Variants in GSE1 observed in about 807,000 individuals in gnomAD.
The protein encoded by GSE1 is genetic suppressor element 1.
Under a neutral mutation model 112.6 loss-of-function variants are expected in GSE1, and 32 were observed. The ratio of observed to expected loss-of-function variants is 0.28; its 90% confidence interval spans 0.21 to 0.38. GSE1 has a LOEUF of 0.38. GSE1 is among the 10% of genes least tolerant of loss of function. The pLI, the probability that GSE1 is intolerant of heterozygous loss-of-function variation, is 1.00. For synonymous variants in GSE1, 1,115 were observed against 735.6 expected (o/e 1.52, Z -8.35); for missense variants, 2,348 against 1,699.2 (o/e 1.38, Z -6.71).
intron 2 of GSE1, among the ~76,000 whole-genome samples, chr16:85,478,915 C>CTT (rs1287650370): frequency 2.3e-4 from 12 of 51,290 alleles, no homozygotes; most frequent in African/African-American, 3.3e-4. Context: ...TTCTTTCTTT[C>CTT]TTTCTTTCTT....
intron 2 of GSE1, among the ~76,000 whole-genome samples, chr16:85,506,499 G>C (rs1022818937): frequency 6.6e-6 from 1 of 152,128 alleles, no homozygotes; most frequent in African/African-American, 2.4e-5. Flanking sequence ...AGCGAAGAAG[G>C]AGCCAGAAGA....
chr16:85,535,536 G>T (rs2044295529), intron 2 of GSE1, among the ~76,000 whole-genome samples: 1 of 152,224 alleles, frequency 6.6e-6, no homozygotes. Context: ...CCTTATCTGG[G>T]CCCGGGAGAG....
chr16:85,485,626 A>G (rs2050809690), intron 2 of GSE1, among the ~76,000 whole-genome samples: 1 of 152,232 alleles, frequency 6.6e-6, no homozygotes. Context: ...TTAGCACTCG[A>G]GAGCCTTCCT....
intron 1 of GSE1, among the ~76,000 whole-genome samples, chr16:85,338,468 C>T (rs1234061681): frequency 6.6e-6 from 1 of 152,204 alleles, no homozygotes; most frequent in African/African-American, 2.4e-5. Flanking sequence ...CAGTCTCCCC[C>T]TCCATCAAAT....
intron 2 of GSE1, among the ~76,000 whole-genome samples, chr16:85,380,560 C>T (rs575488919): frequency 5.8e-5 from 8 of 138,704 alleles, no homozygotes; most frequent in African/African-American, 1.7e-4. Context: ...CACTGCCCGC[C>T]GGGGGAGGCC....
chr16:85,573,356 C>G (rs2046090320), intron 1 of GSE1, among the ~76,000 whole-genome samples: 1 of 152,150 alleles, frequency 6.6e-6, no homozygotes, highest in African/African-American at 2.4e-5. Context: ...TTCTGTTTCT[C>G]CATGCATCTG....
At chr16:85,342,847 C>G (rs1044230269) in intron 1 of GSE1, among the ~76,000 whole-genome samples, 2 of 151,368 alleles carry the variant, frequency 1.3e-5, no homozygotes, top group Non-Finnish European at 3.0e-5. Context: ...CTGGTTCCCC[C>G]TTTTCAGCGG....
intron 2 of GSE1, among the ~76,000 whole-genome samples, chr16:85,365,574 G>C (rs1446137838): frequency 6.6e-6 from 1 of 152,208 alleles, no homozygotes; most frequent in South Asian, 2.1e-4. Flanking sequence ...GAGCGTCCTT[G>C]GGGACCACAT....
intron 1 of GSE1, among the ~76,000 whole-genome samples, chr16:85,287,609 C>G (rs1389509962): frequency 6.6e-6 from 1 of 152,072 alleles, no homozygotes; most frequent in Non-Finnish European, 1.5e-5. Flanking sequence ...ACGGCTCCTC[C>G]CTCGCTTCCT....
chr16:85,625,734 C>G (rs1386596390), intron 1 of GSE1, among the ~76,000 whole-genome samples: 1 of 152,138 alleles, frequency 6.6e-6, no homozygotes, highest in Non-Finnish European at 1.5e-5. Flanking sequence ...TCGTGGGGCT[C>G]GGGCAGAATA....
At chr16:85,553,879 AGGGACCCCGGGGCTGCCGCTG>A (rs1435114238), upstream of GSE1, among the ~76,000 whole-genome samples, 1 of 152,208 alleles carries the variant, frequency 6.6e-6, no homozygotes, top group Non-Finnish European at 1.5e-5. Context: ...TGCATTTAGC[AGGGACCCCGGGGCTGCCGCTG>A]GGGACCCCTG....
rs569542150 is a variant in GSE1, at chr16:85,576,772, T to C, written c.37+20409T>C. On this transcript the variant is annotated intron_variant, in intron 1 of 2. Coordinates refer to the GSE1 transcript ENST00000635906. ...TTGCAAATCTGGGTTCCAGGCTTGC[T>C]TGGGGACTGATGCCCTGGTGTGTCC... 1.6e-4 allele frequency among the ~76,000 whole-genome samples: 25 copies of C among 152,304 alleles called. No individual in the cohort carries two copies. In the South Asian group the frequency reaches 1.7e-3, roughly 10 times the overall value.
At chr16:85,427,248 G>A (rs867334231) in intron 2 of GSE1, among the ~76,000 whole-genome samples, 4 of 152,172 alleles carry the variant, frequency 2.6e-5, no homozygotes, top group Non-Finnish European at 5.9e-5. Context: ...CACTGTCTAC[G>A]GATTATACAA....
At chr16:85,200,649 G>A (rs1391482656) in intron 1 of GSE1, among the ~76,000 whole-genome samples, 1 of 152,152 alleles carries the variant, frequency 6.6e-6, no homozygotes, top group African/African-American at 2.4e-5. Context: ...AGAGGACATT[G>A]CCCTCTTTCG....
At chr16:85,656,235 C>CGG in intron 6 of GSE1, 108 bp from the exon 7 acceptor site, 1 of 1,376,306 alleles carries the variant, frequency 7.3e-7, no homozygotes, top group Non-Finnish European at 9.9e-7. Flanking sequence ...CGTCACTGTT[C>CGG]AGATTAGCGC....
chr16:85,249,265 G>T (rs1906192503), intron 1 of GSE1, among the ~76,000 whole-genome samples: 1 of 152,242 alleles, frequency 6.6e-6, no homozygotes, highest in African/African-American at 2.4e-5. Flanking sequence ...AGTGGGCCCA[G>T]AGCCCGTCTC....
At chr16:85,276,068 T>A (rs1037451730) in intron 1 of GSE1, among the ~76,000 whole-genome samples, 1 of 152,228 alleles carries the variant, frequency 6.6e-6, no homozygotes, top group African/African-American at 2.4e-5. Flanking sequence ...AAGATGGTCC[T>A]GGTAGATTTC....
At chr16:85,592,199 G>C (rs2047032648) in intron 1 of GSE1, 2 of 150,592 alleles carry the variant, frequency 1.3e-5, no homozygotes, top group Admixed American at 6.6e-5. Flanking sequence ...GTCTCTCTCT[G>C]TTGCCCAGGC....
At chr16:85,253,434 G>A (rs543518939) in intron 1 of GSE1, among the ~76,000 whole-genome samples, 1 of 152,210 alleles carries the variant, frequency 6.6e-6, no homozygotes, top group African/African-American at 2.4e-5. Context: ...TCTCCAGGGG[G>A]AACAGAGCTG....
Sources: gnomAD v4.1 joint callset for allele counts (sites outside exome capture counted in the v4.1 genomes callset) on GRCh38, gnomAD v4.1.1 for gene constraint, MANE v1.5 for transcripts, NCBI Gene and HGNC (gene_info 2026-07-23, HGNC 2026-07-21) for gene names.